LSM3: variants seen among roughly 807,000 people sequenced by gnomAD.
LSM3 encodes the protein LSM3 homolog, U6 small nuclear RNA and mRNA degradation associated, also known as U6 snRNA-associated Sm-like protein LSm3.
A neutral mutation model predicts 15.4 loss-of-function variants in LSM3; 14 were observed. The observed-to-expected ratio is 0.91, with a 90% CI of 0.60 to 1.42. The LOEUF is 1.42. LSM3 is among the 40% of genes most tolerant of loss of function. The probability of loss-of-function intolerance (pLI) is 0.00; values close to 1 mark genes in which losing one functional copy is unlikely to be tolerated. For missense variants in LSM3, 88 were observed against 127.9 expected, an observed-to-expected ratio of 0.69 and a Z score of 1.50; for synonymous variants, 46 against 45.1, an observed-to-expected ratio of 1.02 and a Z score of -0.08.
chr3:14,198,101 A>C lies in LSM3; in HGVS notation c.294A>C (p.Pro98=), dbSNP rs1182726591. ...ATGGCGTTGTCCTGGTTGCCCCTCC[A>C]CTGAGAGTTGGCTGAAACAAAGAAT... ...RGDGVVLVAP[P]LRVG The change falls in exon 4 of 4, where the codon CCA becomes CCC. Residue 98 remains proline (P), a synonymous_variant. Coordinates refer to ENST00000306024, the MANE Select transcript of LSM3 (RefSeq NM_014463.3). 1 of 1,613,208 alleles carries C rather than the reference A, an allele frequency of 6.2e-7. No homozygotes were observed. The highest frequency in any genetic ancestry group is 8.5e-7 in the Non-Finnish European group (1 of 1,179,700).
intron 2 of LSM3, among the ~76,000 whole-genome samples, chr3:14,181,947 T>C (rs1183935703): frequency 6.6e-6 from 1 of 152,250 alleles, no homozygotes; most frequent in Admixed American, 6.5e-5. Flanking sequence ...TTCGTAAATG[T>C]TTTTTAAATT....
At chr3:14,191,741 C>A (rs1416649392) in intron 3 of LSM3, among the ~76,000 whole-genome samples, 1 of 152,046 alleles carries the variant, frequency 6.6e-6, no homozygotes, top group Admixed American at 6.5e-5. Context: ...CTCCTGGATT[C>A]ATTGATTATT....
rs1343877166 is a variant in LSM3, at chr3:14,178,869, C to A, written c.9C>A (p.Asp3Glu). The A allele has an allele frequency of 3.1e-6, 5 of 1,614,068 alleles. No homozygotes were observed. Among genetic ancestry groups the A allele is most frequent in the South Asian group, 1.1e-5 (1 of 91,086 alleles). The change falls in exon 1 of 4, where the codon GAC becomes GAA. Residue 3 changes from aspartate to glutamate, a missense_variant. Coordinates refer to ENST00000306024, the MANE Select transcript of LSM3 (RefSeq NM_014463.3). ...GGCGCAGGGTTTGAAACATGGCGGA[C>A]GACGTAGACCAGGTAAGTGTATTTT... The part of the protein sequence containing the change: MA[D>E]DVDQQQTTNT...
In LSM3 at chr3:14,199,226, G is replaced by C. The variant is rs1286282788; in HGVS notation, c.*1110G>C. On this transcript the variant is annotated 3_prime_UTR_variant, in exon 4 of 4. Coordinates refer to ENST00000306024, the MANE Select transcript of LSM3 (RefSeq NM_014463.3). The stretch of plus-strand genomic sequence containing the variant: ...CATGTCTCAGTGACACAGTAAAGCA[G>C]AAATTGGCTGAAAGCAAAGCTGTTT... The C allele has an allele frequency of 2.0e-5, 3 of 152,340 alleles. No individual in the cohort carries two copies. The East Asian group carries it at 5.8e-4, about 29-fold the overall frequency. 9.4% of individuals were successfully genotyped at this position (152,340 alleles called of 1,614,324 possible). A position where few individuals can be genotyped will look rare whatever the true frequency, so the allele number is the denominator to read the frequency against.
intron 3 of LSM3, among the ~76,000 whole-genome samples, chr3:14,188,766 T>G (rs1233307276): frequency 6.6e-6 from 1 of 152,212 alleles, no homozygotes; most frequent in East Asian, 1.9e-4. Flanking sequence ...TTCCAATATT[T>G]TGCTAGTAAA....
chr3:14,196,607 T>C (rs141597985), intron 3 of LSM3, among the ~76,000 whole-genome samples: 1,581 of 152,294 alleles, frequency 0.01, 26 homozygotes, highest in African/African-American at 0.037. Context: ...TGGGAAGGCA[T>C]GAATGCTCCC....
chr3:14,200,957 C>T lies in LSM3; in HGVS notation c.*2841C>T, dbSNP rs1041891154. ...GATCAGCCTGAGCAACATAACAAGA[C>T]CCTGTCTCAAATAATACTTAGCTAT... On this transcript the variant is annotated 3_prime_UTR_variant, in exon 4 of 4. Coordinates refer to ENST00000306024, the MANE Select transcript of LSM3 (RefSeq NM_014463.3). 4 of 152,172 alleles carry T rather than the reference C, an allele frequency of 2.6e-5. No individual in the cohort carries two copies. The highest frequency in any genetic ancestry group is 9.7e-5 in the African/African-American group (4 of 41,426). 9.4% of individuals were successfully genotyped at this position (152,172 alleles called of 1,614,324 possible).
rs1559390228 is a variant in LSM3, at chr3:14,180,854, TTTTAA to T, written c.22-705_22-701del. Among the ~76,000 whole-genome samples, 15 of 83,870 alleles carry T rather than the reference TTTTAA, an allele frequency of 1.8e-4. 1 individual carries two copies. Among genetic ancestry groups the T allele is most frequent in the African/African-American group, 6.2e-4 (11 of 17,700 alleles). 55.0% of individuals were successfully genotyped at this position (83,870 alleles called of 152,430 possible). On this transcript the variant is annotated intron_variant, in intron 1 of 3. Coordinates refer to ENST00000306024, the MANE Select transcript of LSM3 (RefSeq NM_014463.3). Reference sequence around the variant, plus strand: ...TTTTTTTTTTTTTTTTTTTTTTTTTTTTTAAAAAAAAAAAAGACAAGAGTCTCACT... The same window carrying T: ...TTTTTTTTTTTTTTTTTTTTTTTTTTAAAAAAAAAAGACAAGAGTCTCACT...
At chr3:14,193,253 T>C (rs1697157600) in intron 3 of LSM3, among the ~76,000 whole-genome samples, 1 of 152,198 alleles carries the variant, frequency 6.6e-6, no homozygotes, top group African/African-American at 2.4e-5. Context: ...TGATTATGTG[T>C]CTTGGGGTTG....
At chr3:14,190,355 A>T (rs1003703714) in intron 3 of LSM3, among the ~76,000 whole-genome samples, 2 of 152,090 alleles carry the variant, frequency 1.3e-5, no homozygotes, top group African/African-American at 4.8e-5. Context: ...GTTGATGGGG[A>T]TAGCATTAAA....
chr3:14,178,932 C>T (rs758104442), intron 1 of LSM3, 51 bp downstream of exon 1: 6 of 1,604,248 alleles, frequency 3.7e-6, no homozygotes, highest in Non-Finnish European at 5.1e-6. Flanking sequence ...TACTAGGCTG[C>T]TTTTTCCAGA....
chr3:14,184,916 G>A (rs1235946613), intron 3 of LSM3, among the ~76,000 whole-genome samples: 1 of 151,758 alleles, frequency 6.6e-6, no homozygotes, highest in Non-Finnish European at 1.5e-5. Flanking sequence ...AATTAGCTGG[G>A]TGTGGTGGCA....
At chr3:14,181,481 C>T in intron 1 of LSM3, 79 bp from the exon 2 acceptor site, 1 of 878,154 alleles carries the variant, frequency 1.1e-6, no homozygotes, top group East Asian at 2.5e-5. Context: ...ATAACTTGCC[C>T]ATGGTCACAC....
chr3:14,192,891 G>T lies in LSM3; in HGVS notation c.229-5145G>T, dbSNP rs369716925. Among the ~76,000 whole-genome samples the T allele has an allele frequency of 9.8e-5, 15 of 152,296 alleles. No homozygotes were observed. The East Asian group carries it at 1.9e-3, about 20-fold the overall frequency. On this transcript the variant is annotated intron_variant, in intron 3 of 3. Coordinates refer to ENST00000306024, the MANE Select transcript of LSM3 (RefSeq NM_014463.3). Reference sequence around the variant, plus strand: ...TAGTGTCAATGTTATTTACAATGTGGTATGTTTTTGCAGTGGCTGGTATTG... The same window carrying T: ...TAGTGTCAATGTTATTTACAATGTGTTATGTTTTTGCAGTGGCTGGTATTG...
At chr3:14,179,357 A>G (rs1325212740) in intron 1 of LSM3, among the ~76,000 whole-genome samples, 1 of 152,238 alleles carries the variant, frequency 6.6e-6, no homozygotes, top group Admixed American at 6.5e-5. Context: ...ATAAAAGTAA[A>G]TATAAATATG....
intron 3 of LSM3, among the ~76,000 whole-genome samples, chr3:14,194,310 A>G (rs1362048728): frequency 6.6e-6 from 1 of 152,228 alleles, no homozygotes; most frequent in Non-Finnish European, 1.5e-5. Context: ...TGCTGTCTTC[A>G]GAGCCGTCAG....
At chr3:14,181,392 A>G (rs949460184) in intron 1 of LSM3, among the ~76,000 whole-genome samples, 168 bp from the exon 2 acceptor site, 2 of 152,234 alleles carry the variant, frequency 1.3e-5, no homozygotes, top group Admixed American at 6.5e-5. Context: ...TATATCACTT[A>G]AGCCTCACAA....
rs184336757 is a variant in LSM3, at chr3:14,200,551, C to T, written c.*2435C>T. ...TGTCAGATTAGCCTAAGGGAAGCCT[C>T]TTCAGCAAGTATCATGCCTGGATCC... On this transcript the variant is annotated 3_prime_UTR_variant, in exon 4 of 4. Transcript: ENST00000306024. 139 of 152,008 alleles carry T rather than the reference C, an allele frequency of 9.1e-4. No individual in the cohort carries two copies. The highest frequency in any genetic ancestry group is 2.8e-3 in the African/African-American group (115 of 41,256). The allele number at this position is 152,008 out of a possible 1,614,324, so 9.4% of individuals were successfully genotyped here.
Position 14,200,462 on chromosome 3 carries a change from G to T in LSM3, c.*2346G>T, listed in dbSNP as rs959809925. On this transcript the variant is annotated 3_prime_UTR_variant, in exon 4 of 4. Transcript: ENST00000306024. ...GGACTTCTGAGTCTGCAGAGCACTC[G>T]GCTCCAGCCAGCTGGATGGCAGGTG... 1.3e-5 allele frequency: 2 copies of T among 152,350 alleles called. No individual in the cohort carries two copies. Among genetic ancestry groups the T allele is most frequent in the Admixed American group, 6.5e-5 (1 of 15,280 alleles). 9.4% of individuals were successfully genotyped at this position (152,350 alleles called of 1,614,324 possible).
Sources: allele counts gnomAD v4.1 joint callset (sites outside exome capture counted in the v4.1 genomes callset), GRCh38; gene constraint gnomAD v4.1.1; transcripts MANE v1.5; gene names NCBI Gene and HGNC (gene_info 2026-07-23, HGNC 2026-07-21).